LRRC56: variants seen among roughly 807,000 people sequenced by gnomAD.
LRRC56 encodes leucine-rich repeat-containing protein 56.
LRRC56 carries 41 observed loss-of-function variants against 47.8 expected under a neutral mutation model. That is an observed-to-expected ratio of 0.86 (90% CI 0.67 to 1.11). The LOEUF (loss-of-function observed/expected upper bound fraction) is 1.11. Among genes scored for constraint, LRRC56 ranks in the 50% most tolerant of loss-of-function variants. The pLI is 0.00. For missense variants in LRRC56, 759 were observed against 704.2 expected (o/e 1.08, Z -0.88); for synonymous variants, 387 against 311.2 (o/e 1.24, Z -2.56).
chr11:514,521 A>G, the LRRC56 span, among the ~76,000 whole-genome samples: 16 of 151,808 alleles, frequency 1.1e-4, no homozygotes, highest in East Asian at 1.4e-3. Flanking sequence ...AGCTCATGCA[A>G]TCTGCCCACT....
the LRRC56 span, among the ~76,000 whole-genome samples, chr11:532,091 G>C: frequency 1.3e-5 from 2 of 152,160 alleles, no homozygotes; most frequent in African/African-American, 4.8e-5. Flanking sequence ...CGGGAGGAGA[G>C]AGCACCACAG....
the LRRC56 span, among the ~76,000 whole-genome samples, chr11:523,602 G>T: frequency 6.8e-6 from 1 of 147,514 alleles, no homozygotes; most frequent in Non-Finnish European, 1.5e-5. Context: ...CTGCACTCCA[G>T]CCTGGGCAAC....
chr11:514,182 C>CG, the LRRC56 span, among the ~76,000 whole-genome samples: 3 of 151,578 alleles, frequency 2.0e-5, no homozygotes, highest in African/African-American at 7.3e-5. Flanking sequence ...TTAGTAGAGA[C>CG]GGGGTTTCAC....
At chr11:511,501 G>A in the LRRC56 span, among the ~76,000 whole-genome samples, 23 of 152,160 alleles carry the variant, frequency 1.5e-4, no homozygotes, top group Admixed American at 1.0e-3. Context: ...GAAATGTAGC[G>A]TATCCTCTGA....
chr11:552,635 G>A lies in LRRC56; in HGVS notation c.1248G>A (p.Arg416=), dbSNP rs944233234. The A allele has an allele frequency of 1.2e-6, 2 of 1,611,376 alleles. No individual in the cohort carries two copies. The highest frequency in any genetic ancestry group is 2.7e-5 in the African/African-American group (2 of 74,896). ...EGAVAPWGPR[R]VPEEQVHQAE... ...CTGTAGCCCCCTGGGGCCCACGGAGGGTCCCTGAAGAGCAAGTGCACCAGG... is the reference window on the plus strand; with the variant it reads ...CTGTAGCCCCCTGGGGCCCACGGAGAGTCCCTGAAGAGCAAGTGCACCAGG... Residue 416 remains arginine (R), a synonymous_variant, in exon 13 of 14, where the codon AGG becomes AGA. Coordinates refer to ENST00000270115, the MANE Select transcript of LRRC56 (RefSeq NM_198075.4).
At chr11:549,776 C>G in intron 6 of LRRC56, 126 bp from the exon 7 acceptor site, 1 of 720,774 alleles carries the variant, frequency 1.4e-6, no homozygotes, top group Admixed American at 2.5e-5. Context: ...GCAGAGAGCC[C>G]CTTCCTCAGT....
At chr11:518,852 G>A in the LRRC56 span, among the ~76,000 whole-genome samples, 1 of 152,052 alleles carries the variant, frequency 6.6e-6, no homozygotes, top group South Asian at 2.1e-4. Flanking sequence ...GAACGCGCGA[G>A]CGAGGCCGGG....
At chr11:533,308 C>CG (rs35613389), upstream of LRRC56, 101 of 1,600,628 alleles carry the variant, frequency 6.3e-5, no homozygotes, top group Non-Finnish European at 7.6e-5. Context: ...ACATGGGTCC[C>CG]GGGGGGTCCC....
At chr11:544,874 G>C (rs1851995480) in intron 6 of LRRC56, 94 bp downstream of exon 6, 1 of 1,202,402 alleles carries the variant, frequency 8.3e-7, no homozygotes, top group South Asian at 1.2e-5. Flanking sequence ...GGTGGGAGTG[G>C]GGGGACTTGG....
chr11:515,384 C>A, the LRRC56 span, among the ~76,000 whole-genome samples: 18 of 152,342 alleles, frequency 1.2e-4, no homozygotes, highest in African/African-American at 4.3e-4. Context: ...TTTCAAAATG[C>A]ACACACCCTT....
chr11:521,104 C>T, the LRRC56 span, among the ~76,000 whole-genome samples: 1 of 152,204 alleles, frequency 6.6e-6, no homozygotes, highest in African/African-American at 2.4e-5. Flanking sequence ...CTGCCAGGCC[C>T]AATCGCCCCC....
chr11:536,995 G>C (rs1178279540), upstream of LRRC56: 1 of 152,150 alleles, frequency 6.6e-6, no homozygotes, highest in Admixed American at 6.5e-5. Context: ...AGCGTGTCCC[G>C]CGGGCCGGGC....
At chr11:514,662 T>A in the LRRC56 span, among the ~76,000 whole-genome samples, 1 of 151,514 alleles carries the variant, frequency 6.6e-6, no homozygotes, top group Non-Finnish European at 1.5e-5. Context: ...GAGTGAGGAG[T>A]GGTCAATAAA....
chr11:512,549 A>G, the LRRC56 span, among the ~76,000 whole-genome samples: 1 of 152,134 alleles, frequency 6.6e-6, no homozygotes, highest in Non-Finnish European at 1.5e-5. Flanking sequence ...AACTTGATCC[A>G]TACGTTTGCG....
chr11:551,012 C>T (rs1852352936), intron 8 of LRRC56, 119 bp from the exon 9 acceptor site: 1 of 596,770 alleles, frequency 1.7e-6, no homozygotes, highest in African/African-American at 1.9e-5. Flanking sequence ...AGCATCCCCA[C>T]CTCTGGGCCC....
the LRRC56 span, among the ~76,000 whole-genome samples, chr11:518,602 CG>C: frequency 6.6e-6 from 1 of 152,134 alleles, no homozygotes. Context: ...GGATTACAGA[CG>C]TGAGTCACCC....
chr11:543,973 C>T (rs1353607319), intron 5 of LRRC56, among the ~76,000 whole-genome samples: 1 of 152,208 alleles, frequency 6.6e-6, no homozygotes, highest in Non-Finnish European at 1.5e-5. Flanking sequence ...TGGTCTCGAT[C>T]TACTGACCTA....
the LRRC56 span, among the ~76,000 whole-genome samples, chr11:511,109 C>G: frequency 2.0e-5 from 3 of 151,934 alleles, no homozygotes; most frequent in Non-Finnish European, 4.4e-5. Flanking sequence ...ATCACAAGGT[C>G]AGGAGATCGA....
the LRRC56 span, among the ~76,000 whole-genome samples, chr11:518,893 G>T: frequency 7.6e-6 from 1 of 132,286 alleles, no homozygotes; most frequent in Non-Finnish European, 1.6e-5. Context: ...CCGCTCTGAG[G>T]GACCGGGGCG....
Sources: gnomAD v4.1 joint callset for allele counts (sites outside exome capture counted in the v4.1 genomes callset) on GRCh38, gnomAD v4.1.1 for gene constraint, MANE v1.5 for transcripts, NCBI Gene and HGNC (gene_info 2026-07-23, HGNC 2026-07-21) for gene names.